Variants in CWC22 observed in about 807,000 individuals in gnomAD.
CWC22 encodes CWC22 spliceosome associated protein, also known as pre-mRNA-splicing factor CWC22 homolog.
CWC22 carries 53 observed loss-of-function variants against 117.2 expected under a neutral mutation model. That is an observed-to-expected ratio of 0.45 (90% CI 0.36 to 0.57). The LOEUF (loss-of-function observed/expected upper bound fraction) is 0.57. Ranked by LOEUF, CWC22 falls within the 20% of genes least tolerant of loss-of-function variation. The probability of loss-of-function intolerance (pLI) is 0.00; values close to 1 mark genes in which losing one functional copy is unlikely to be tolerated. For missense variants in CWC22, 980 were observed against 1,068.8 expected (o/e 0.92, Z 1.16); for synonymous variants, 360 against 355.6 (o/e 1.01, Z -0.14).
In CWC22 at chr2:179,983,854, G is replaced by C. The variant is rs556118726; in HGVS notation, c.207-1857C>G. Among the ~76,000 whole-genome samples, 247 of 152,248 alleles carry C rather than the reference G, an allele frequency of 1.6e-3. 2 individuals carry two copies. Among genetic ancestry groups the C allele is most frequent in the Non-Finnish European group, 2.8e-3 (193 of 67,990 alleles). On this transcript the variant is annotated intron_variant, in intron 4 of 19. Transcript: ENST00000410053. ...TCTTGTGAATATACATGTTCCAAGA[G>C]AGTAGCTACAGCAGGGATTTCCTGA...
intron 1 of CWC22, among the ~76,000 whole-genome samples, chr2:180,005,511 G>A (rs1190414829): frequency 6.6e-6 from 1 of 152,176 alleles, no homozygotes; most frequent in Admixed American, 6.5e-5. Context: ...GGGAGGCGGA[G>A]CTTGCAGTGA....
chr2:179,976,158 A>G (rs1687147800), intron 6 of CWC22, among the ~76,000 whole-genome samples: 1 of 152,220 alleles, frequency 6.6e-6, no homozygotes, highest in African/African-American at 2.4e-5. Flanking sequence ...GGGAAAAGAC[A>G]GTGTCTTCAA....
Position 180,006,986 on chromosome 2 carries a change from C to G in CWC22, c.-233G>C, listed in dbSNP as rs1208642790. The G allele has an allele frequency of 6.6e-6, 1 of 152,240 alleles. No individual in the cohort carries two copies. Among genetic ancestry groups the G allele is most frequent in the Non-Finnish European group, 1.5e-5 (1 of 68,104 alleles). 9.4% of individuals were successfully genotyped at this position (152,240 alleles called of 1,614,324 possible). ...TGAGCCCGCACCCACTCCTGGGGGT[C>G]TTTTACTTCCCACCCGATCCGGCGA... On this transcript the variant is annotated 5_prime_UTR_variant, in exon 1 of 20. Coordinates refer to ENST00000410053, the MANE Select transcript of CWC22 (RefSeq NM_020943.3).
chr2:179,951,014 A>G, intron 17 of CWC22, 88 bp from the exon 18 acceptor site: 6 of 790,302 alleles, frequency 7.6e-6, no homozygotes, highest in South Asian at 1.7e-5. Context: ...TTTTTCATAT[A>G]TTAAATTACT....
intron 1 of CWC22, among the ~76,000 whole-genome samples, chr2:180,002,079 A>G (rs1476658374): frequency 1.3e-5 from 2 of 152,218 alleles, no homozygotes; most frequent in Non-Finnish European, 2.9e-5. Context: ...TCTTCTCTAG[A>G]GTTCCAAATC....
Position 179,945,528 on chromosome 2 carries a change from A to C in CWC22, c.2328T>G (p.Asn776Lys). ...KHRDQNSSGS[N>K]WRDPITKYTS... is the part of the protein sequence containing the mutation. ...TGTACTTTGTTATAGGATCTCTCCA[A>C]TTTGAACCACTTGAATTTTGATCTC... Residue 776 changes from asparagine (N) to lysine (K), a missense_variant, in exon 20 of 20, where the codon AAT becomes AAG. Asn to Lys is a moderately conservative substitution (Grantham distance 94). Around this residue, in one of 3 missense-constraint regions of CWC22, gnomAD observed 306 missense variants for 296.8 expected, o/e 1.03. Coordinates refer to ENST00000410053, the MANE Select transcript of CWC22 (RefSeq NM_020943.3). 6.2e-7 allele frequency: 1 copy of C among 1,613,260 alleles called. No homozygotes were observed. The highest frequency in any genetic ancestry group is 8.5e-7 in the Non-Finnish European group (1 of 1,179,472).
At chr2:179,959,714 T>C (rs557147002) in intron 13 of CWC22, among the ~76,000 whole-genome samples, 2 of 152,158 alleles carry the variant, frequency 1.3e-5, no homozygotes, top group South Asian at 4.1e-4. Flanking sequence ...GTTAACACAA[T>C]GGTAAGTATT....
intron 16 of CWC22, among the ~76,000 whole-genome samples, chr2:179,953,000 T>A (rs1686491760): frequency 6.6e-6 from 1 of 151,878 alleles, no homozygotes. Flanking sequence ...ACATACGATT[T>A]AAAAAAAGAC....
At chr2:179,979,967 G>C (rs1461354531) in intron 5 of CWC22, among the ~76,000 whole-genome samples, 1 of 152,092 alleles carries the variant, frequency 6.6e-6, no homozygotes, top group Non-Finnish European at 1.5e-5. Context: ...ACTTCTCCTT[G>C]TACCCTTTAC....
At chr2:180,000,642 A>C (rs1169244841) in intron 1 of CWC22, among the ~76,000 whole-genome samples, 3 of 152,174 alleles carry the variant, frequency 2.0e-5, no homozygotes, top group Non-Finnish European at 4.4e-5. Flanking sequence ...ACTCATAACC[A>C]TTTGAATGAC....
chr2:179,952,386 TAC>T lies in CWC22; in HGVS notation c.1817+83_1817+84del. Reference sequence around the variant, plus strand: ...TCTCAGGGGGCTTAGCTCTTGTTTTTACAGTCTCGGATGGGCTTATGTCTGCT... The same window carrying T: ...TCTCAGGGGGCTTAGCTCTTGTTTTTAGTCTCGGATGGGCTTATGTCTGCT... On this transcript the variant is annotated intron_variant, in intron 17 of 19. Transcript: ENST00000410053. 7.4e-6 allele frequency: 7 copies of T among 945,218 alleles called. No individual in the cohort carries two copies. The Middle Eastern group carries it at 6.8e-4, about 92-fold the overall frequency. The allele number at this position is 945,218 out of a possible 1,614,324, so 58.6% of individuals were successfully genotyped here. A position where few individuals can be genotyped will look rare whatever the true frequency, so the allele number is the denominator to read the frequency against.
intron 2 of CWC22, 25 bp downstream of exon 2, chr2:179,993,290 T>G: frequency 6.6e-7 from 1 of 1,512,038 alleles, no homozygotes; most frequent in Non-Finnish European, 9.0e-7. Context: ...GTTTACATCC[T>G]CCATTTTAAG....
At position 179,970,656 on chromosome 2, in the gene CWC22, C is replaced by T. The variant is rs1383347602; in HGVS notation, c.1141G>A (p.Val381Ile). The T allele has an allele frequency of 3.7e-6, 6 of 1,612,608 alleles. No homozygotes were observed. Among genetic ancestry groups the T allele is most frequent in the South Asian group, 1.1e-5 (1 of 90,964 alleles). The stretch of plus-strand genomic sequence containing the variant: ...TAACATGCCCCGGACTTACTAAGAA[C>T]ATCTTCTGGATTATAGTCATCCTCC... ...PLEDDYNPEDVLNVFKMDPNF... is the reference protein window; with the variant it reads ...PLEDDYNPEDILNVFKMDPNF... The change falls in exon 10 of 20, where the codon GTT becomes ATT. Residue 381 changes from valine (V) to isoleucine (I), a missense_variant. This residue lies in a region of CWC22 where 559 missense variants were observed against 602.3 expected (regional missense o/e 0.93). Coordinates refer to ENST00000410053, the MANE Select transcript of CWC22 (RefSeq NM_020943.3).
Position 179,945,117 on chromosome 2 carries a change from C to T in CWC22, c.*12G>A, listed in dbSNP as rs776538518. On this transcript the variant is annotated 3_prime_UTR_variant, in exon 20 of 20. Coordinates refer to ENST00000410053, the MANE Select transcript of CWC22 (RefSeq NM_020943.3). Reference sequence around the variant, plus strand: ...AATATAAGGCATGTCCAGTTTATGTCATTTTGTAGAATTATTTTTGTTTTG... The same window carrying T: ...AATATAAGGCATGTCCAGTTTATGTTATTTTGTAGAATTATTTTTGTTTTG... The T allele has an allele frequency of 2.6e-6, 4 of 1,567,540 alleles. No homozygotes were observed. In the South Asian group the frequency reaches 4.8e-5, roughly 19 times the overall value.
chr2:180,002,529 A>G (rs1687872146), intron 1 of CWC22, among the ~76,000 whole-genome samples: 1 of 152,262 alleles, frequency 6.6e-6, no homozygotes, highest in South Asian at 2.1e-4. Context: ...TATGAAGCTA[A>G]GAGAAAAAGT....
At chr2:179,997,600 T>C (rs1265985733) in intron 1 of CWC22, among the ~76,000 whole-genome samples, 2 of 152,192 alleles carry the variant, frequency 1.3e-5, no homozygotes, top group East Asian at 3.9e-4. Flanking sequence ...TGCTCAAAGA[T>C]ATTGGTATTT....
chr2:179,966,081 G>T, intron 11 of CWC22, 99 bp from the exon 12 acceptor site: 1 of 868,224 alleles, frequency 1.2e-6, no homozygotes, highest in Non-Finnish European at 1.7e-6. Context: ...AATCCACTGT[G>T]GTGTAACAGT....
chr2:179,961,565 A>G (rs1686750644), intron 13 of CWC22, among the ~76,000 whole-genome samples: 1 of 152,040 alleles, frequency 6.6e-6, no homozygotes, highest in South Asian at 2.1e-4. Flanking sequence ...AACATTTAAA[A>G]CAGATGTGAC....
rs368024133 is a variant in CWC22 at position 179,980,656 on chromosome 2, GT to G, written c.452+1095del. ...TGGTCTCGAACTTTGGGAGGCCGAGGTGGGCGGATCATGACGTTTCTACTTC... is the reference window on the plus strand; with the variant it reads ...TGGTCTCGAACTTTGGGAGGCCGAGGGGGCGGATCATGACGTTTCTACTTC... On this transcript the variant is annotated intron_variant, in intron 5 of 19. Coordinates refer to ENST00000410053, the MANE Select transcript of CWC22 (RefSeq NM_020943.3). 5.8e-3 allele frequency among the ~76,000 whole-genome samples: 881 copies of G among 152,160 alleles called. 12 individuals are homozygous for G. The highest frequency in any genetic ancestry group is 0.02 in the African/African-American group (810 of 41,518).
Sources: gnomAD v4.1 joint callset for allele counts (sites outside exome capture counted in the v4.1 genomes callset) on GRCh38, gnomAD v4.1.1 for gene constraint, gnomAD v4.1.1 regional missense constraint, MANE v1.5 for transcripts, NCBI Gene and HGNC (gene_info 2026-07-23, HGNC 2026-07-21) for gene names.